Variants in MACROD2 observed in about 807,000 individuals in gnomAD.
The protein encoded by MACROD2 is mono-ADP ribosylhydrolase 2, also known as ADP-ribose glycohydrolase MACROD2.
MACROD2 carries 36 observed loss-of-function variants against 70.4 expected under a neutral mutation model. The ratio of observed to expected loss-of-function variants is 0.51; its 90% CI spans 0.39 to 0.68. The LOEUF (loss-of-function observed/expected upper bound fraction) is 0.68. Ranked by LOEUF, MACROD2 falls within the 30% of genes least tolerant of loss-of-function variation. MACROD2 has a pLI of 0.00. For missense variants in MACROD2, 496 were observed against 538.4 expected, an observed-to-expected ratio of 0.92 and a Z score of 0.78; for synonymous variants, 172 against 178.8, an observed-to-expected ratio of 0.96 and a Z score of 0.30.
intron 5 of MACROD2, among the ~76,000 whole-genome samples, chr20:14,846,104 G>A (rs2073137547): frequency 6.6e-6 from 1 of 152,074 alleles, no homozygotes; most frequent in Non-Finnish European, 1.5e-5. Context: ...TATTTCTGAT[G>A]TAGTTTAAAA....
At chr20:14,477,205 A>G (rs946206980) in intron 3 of MACROD2, among the ~76,000 whole-genome samples, 4 of 152,200 alleles carry the variant, frequency 2.6e-5, no homozygotes, top group African/African-American at 9.6e-5. Context: ...TCATGAGATT[A>G]AGAAAACAGG....
intron 4 of MACROD2, among the ~76,000 whole-genome samples, chr20:14,630,309 A>C (rs1213479531): frequency 6.6e-6 from 1 of 151,802 alleles, no homozygotes; most frequent in African/African-American, 2.4e-5. Context: ...AAAGAGCCTA[A>C]GAGCATCTAC....
chr20:14,342,204 A>C (rs955248959), intron 3 of MACROD2, among the ~76,000 whole-genome samples: 1 of 152,184 alleles, frequency 6.6e-6, no homozygotes, highest in Non-Finnish European at 1.5e-5. Flanking sequence ...AGGACAGGGC[A>C]TGATCCAAAG....
intron 3 of MACROD2, among the ~76,000 whole-genome samples, chr20:14,153,041 A>G (rs1029330681): frequency 1.3e-5 from 2 of 152,200 alleles, no homozygotes; most frequent in African/African-American, 4.8e-5. Flanking sequence ...GTTATTATAG[A>G]TAGATGTCAA....
chr20:14,323,467 CT>C (rs1212096258), intron 3 of MACROD2: 1 of 152,110 alleles, frequency 6.6e-6, no homozygotes, highest in Non-Finnish European at 1.5e-5. Flanking sequence ...AAATCTTGAC[CT>C]TTTGTTTTTT....
chr20:14,056,620 A>G (rs2053633394), intron 2 of MACROD2, among the ~76,000 whole-genome samples: 1 of 151,076 alleles, frequency 6.6e-6, no homozygotes, highest in African/African-American at 2.4e-5. Context: ...GGGTATTTAA[A>G]AATGATGAAA....
At chr20:15,748,672 C>A (rs1321676246) in intron 8 of MACROD2, among the ~76,000 whole-genome samples, 1 of 152,064 alleles carries the variant, frequency 6.6e-6, no homozygotes, top group Non-Finnish European at 1.5e-5. Flanking sequence ...ACATAAGTAT[C>A]TTTGTTACCT....
intron 8 of MACROD2, among the ~76,000 whole-genome samples, chr20:15,831,053 G>A (rs1339098255): frequency 4.6e-5 from 7 of 152,090 alleles, no homozygotes; most frequent in African/African-American, 1.4e-4. Context: ...ATTCAAAATG[G>A]GAATTTTGAA....
chr20:14,051,617 C>G (rs1176693292), intron 2 of MACROD2, among the ~76,000 whole-genome samples: 2 of 151,892 alleles, frequency 1.3e-5, no homozygotes, highest in Non-Finnish European at 2.9e-5. Context: ...TATTGGTTTA[C>G]TAATAATAGT....
intron 10 of MACROD2, among the ~76,000 whole-genome samples, chr20:15,921,203 A>G (rs1282619588): frequency 2.0e-5 from 3 of 152,024 alleles, no homozygotes; most frequent in African/African-American, 4.8e-5. Context: ...CCTGGCTTCA[A>G]TCCTTCCCCA....
chr20:14,367,185 T>G (rs2083280526), intron 3 of MACROD2, among the ~76,000 whole-genome samples: 1 of 152,188 alleles, frequency 6.6e-6, no homozygotes, highest in South Asian at 2.1e-4. Context: ...TCTATACAGT[T>G]CTCTCCTCAT....
chr20:14,877,632 G>A (rs1375314188), intron 5 of MACROD2, among the ~76,000 whole-genome samples: 1 of 151,898 alleles, frequency 6.6e-6, no homozygotes, highest in African/African-American at 2.4e-5. Flanking sequence ...TTCCTTCAAT[G>A]CCTAGTTTCT....
chr20:15,429,647 TTTA>T (rs1423269279), intron 6 of MACROD2, among the ~76,000 whole-genome samples: 5 of 152,242 alleles, frequency 3.3e-5, no homozygotes, highest in African/African-American at 1.2e-4. Flanking sequence ...ACTTAGATCT[TTTA>T]TTATTATTGA....
chr20:15,642,576 G>A (rs1268014412), intron 8 of MACROD2, among the ~76,000 whole-genome samples: 1 of 148,786 alleles, frequency 6.7e-6, no homozygotes, highest in East Asian at 2.0e-4. Flanking sequence ...GAGGGAAGTA[G>A]GGAACTGTGT....
intron 5 of MACROD2, among the ~76,000 whole-genome samples, chr20:14,847,709 A>G (rs2073158750): frequency 6.6e-6 from 1 of 152,062 alleles, no homozygotes; most frequent in African/African-American, 2.4e-5. Context: ...TTGAGTGCAT[A>G]CTTTTTGCTT....
chr20:15,541,856 C>T (rs1233731), intron 8 of MACROD2, among the ~76,000 whole-genome samples: 57,458 of 151,982 alleles, frequency 0.38, 13,420 homozygotes, highest in African/African-American at 0.65. Flanking sequence ...ATGTAGCATA[C>T]AGGCGCTCAT....
intron 3 of MACROD2, among the ~76,000 whole-genome samples, chr20:14,359,115 G>A (rs1339022867): frequency 1.3e-5 from 2 of 152,142 alleles, no homozygotes; most frequent in Non-Finnish European, 2.9e-5. Flanking sequence ...TTGAACCCAA[G>A]AGGTAGAGGT....
chr20:14,498,291 T>TA lies in MACROD2; in HGVS notation c.301+4792dup, dbSNP rs201190237. On this transcript the variant is annotated intron_variant, in intron 4 of 17. Transcript: ENST00000684519. ...ACTTGTACACCAAAAGCTATTGAAA[T>TA]AAAAAAAAAGAAAAAAAGAAGAGTG... Among the ~76,000 whole-genome samples, 1,008 of 147,110 alleles carry TA rather than the reference T, an allele frequency of 6.9e-3. 50 individuals carry two copies. The highest frequency in any genetic ancestry group is 0.025 in the African/African-American group (944 of 37,696).
chr20:15,523,780 A>G (rs914246642), intron 8 of MACROD2, among the ~76,000 whole-genome samples: 1 of 152,194 alleles, frequency 6.6e-6, no homozygotes, highest in Non-Finnish European at 1.5e-5. Flanking sequence ...TTCTTTCTCC[A>G]TAGAGAGGTG....
Sources: allele counts gnomAD v4.1 joint callset (sites outside exome capture counted in the v4.1 genomes callset), GRCh38; gene constraint gnomAD v4.1.1; transcripts MANE v1.5; gene names NCBI Gene and HGNC (gene_info 2026-07-23, HGNC 2026-07-21).